ROBO2: variants seen among roughly 807,000 people sequenced by gnomAD.
ROBO2 encodes the protein roundabout guidance receptor 2.
A neutral mutation model predicts 160.8 loss-of-function variants in ROBO2; 53 were observed. The observed-to-expected ratio is 0.33, with a 90% CI of 0.26 to 0.41. The LOEUF is 0.41. Ranked by LOEUF, ROBO2 falls within the 10% of genes least tolerant of loss-of-function variation. The pLI is 1.00. For synonymous variants in ROBO2, 664 were observed against 611.7 expected, an observed-to-expected ratio of 1.09 and a Z score of -1.26; for missense variants, 1,577 against 1,722.4, an observed-to-expected ratio of 0.92 and a Z score of 1.49.
At chr3:76,852,007 A>C (rs2069452107) in intron 2 of ROBO2, among the ~76,000 whole-genome samples, 1 of 152,082 alleles carries the variant, frequency 6.6e-6, no homozygotes, top group African/African-American at 2.4e-5. Flanking sequence ...AAAAGCATAA[A>C]AAAGACAGTC....
At chr3:76,174,460 T>C (rs2073155485) in intron 2 of ROBO2, among the ~76,000 whole-genome samples, 1 of 152,186 alleles carries the variant, frequency 6.6e-6, no homozygotes, top group South Asian at 2.1e-4. Context: ...CTGAATGGTA[T>C]TGCCTAGGTA....
At chr3:77,040,868 CT>C (rs751481090) in intron 1 of ROBO2, 22 bp downstream of exon 1, 2 of 1,613,822 alleles carry the variant, frequency 1.2e-6, no homozygotes, top group Admixed American at 1.7e-5. Context: ...ATGCTTTCAT[CT>C]TTTTTTGCGC....
rs894940300 is a variant in ROBO2 at position 77,551,082 on chromosome 3, C to T, written c.1231+93C>T. The T allele has an allele frequency of 5.3e-6, 7 of 1,322,484 alleles. No homozygotes were observed. The African/African-American group carries it at 1.0e-4, about 19-fold the overall frequency. 81.9% of individuals were successfully genotyped at this position (1,322,484 alleles called of 1,614,324 possible). On this transcript the variant is annotated intron_variant, in intron 8 of 25. Coordinates refer to ENST00000461745, the Ensembl canonical transcript of ROBO2. ...TGTGGAGTTTGCTGATTTGTTAAAT[C>T]ATTTCTATGTATGCTTATCTTTTAA...
chr3:76,171,188 C>A (rs1182860186), intron 2 of ROBO2, among the ~76,000 whole-genome samples: 4 of 152,064 alleles, frequency 2.6e-5, no homozygotes, highest in Non-Finnish European at 5.9e-5. Context: ...TCATTATTTT[C>A]ACAATTTCTG....
intron 5 of ROBO2, among the ~76,000 whole-genome samples, chr3:77,509,247 G>A (rs957263293): frequency 2.6e-5 from 4 of 152,064 alleles, no homozygotes; most frequent in African/African-American, 9.7e-5. Context: ...AGGTAGGAAG[G>A]AGGGTAGAAA....
intron 2 of ROBO2, among the ~76,000 whole-genome samples, chr3:76,479,022 A>G (rs17014261): frequency 0.023 from 3,545 of 152,172 alleles, 142 homozygotes; most frequent in African/African-American, 0.081. Context: ...TAACTTCAAT[A>G]TCATGGTGTG....
chr3:77,266,654 A>G (rs751311897), intron 2 of ROBO2, among the ~76,000 whole-genome samples: 24 of 152,118 alleles, frequency 1.6e-4, no homozygotes, highest in Non-Finnish European at 3.1e-4. Context: ...TTCTGTATAA[A>G]TCCCTGATCT....
intron 21 of ROBO2, among the ~76,000 whole-genome samples, chr3:77,615,750 T>C (rs2094759863): frequency 6.6e-6 from 1 of 152,200 alleles, no homozygotes; most frequent in African/African-American, 2.4e-5. Flanking sequence ...GGAGACATGT[T>C]GGTTGCTTCC....
intron 2 of ROBO2, among the ~76,000 whole-genome samples, chr3:76,484,191 A>G (rs2079365663): frequency 6.6e-6 from 1 of 152,180 alleles, no homozygotes; most frequent in African/African-American, 2.4e-5. Flanking sequence ...CATTAAAATA[A>G]AAGTTTGCAA....
At chr3:77,634,019 C>T (rs2095219972) in intron 23 of ROBO2, 1 of 152,154 alleles carries the variant, frequency 6.6e-6, no homozygotes. Flanking sequence ...AAAACATACA[C>T]AGGAGAATAA....
At chr3:76,830,172 C>T (rs4856054) in intron 2 of ROBO2, among the ~76,000 whole-genome samples, 11 of 152,160 alleles carry the variant, frequency 7.2e-5, no homozygotes, top group African/African-American at 2.2e-4. Flanking sequence ...AACTGTCCCC[C>T]CCTCCATGCA....
chr3:77,598,519 ATATATGTG>A (rs2094360573), intron 19 of ROBO2, among the ~76,000 whole-genome samples: 1 of 92,946 alleles, frequency 1.1e-5, no homozygotes, highest in South Asian at 3.9e-4. Context: ...ACACATATAT[ATATATGTG>A]TATATATATA....
intron 2 of ROBO2, among the ~76,000 whole-genome samples, chr3:76,991,599 C>T (rs951146116): frequency 9.9e-5 from 15 of 152,048 alleles, no homozygotes; most frequent in Middle Eastern, 3.2e-3. Flanking sequence ...ACTTTCATTA[C>T]GTTTTGAAGA....
intron 2 of ROBO2, among the ~76,000 whole-genome samples, chr3:77,304,879 A>G (rs1452031595): frequency 2.0e-5 from 3 of 152,136 alleles, no homozygotes; most frequent in Non-Finnish European, 2.9e-5. Flanking sequence ...GGGAGAGCGT[A>G]CATACGTAAG....
chr3:76,664,426 A>G (rs909409556), intron 2 of ROBO2, among the ~76,000 whole-genome samples: 1 of 152,232 alleles, frequency 6.6e-6, no homozygotes, highest in African/African-American at 2.4e-5. Flanking sequence ...AATATCATTT[A>G]GAAGGAAGTA....
chr3:76,139,076 AG>A (rs2071537576), intron 2 of ROBO2, among the ~76,000 whole-genome samples: 1 of 152,172 alleles, frequency 6.6e-6, no homozygotes, highest in South Asian at 2.1e-4. Context: ...TGTTAAATGT[AG>A]CACAAAACAC....
intron 2 of ROBO2, among the ~76,000 whole-genome samples, chr3:77,210,594 T>A (rs188845811): frequency 1.3e-5 from 2 of 151,942 alleles, no homozygotes; most frequent in East Asian, 3.9e-4. Flanking sequence ...TCACAAATAA[T>A]TTTTTTATTA....
chr3:76,778,988 C>A (rs998916385), intron 2 of ROBO2, among the ~76,000 whole-genome samples: 2 of 151,066 alleles, frequency 1.3e-5, no homozygotes, highest in African/African-American at 4.8e-5. Flanking sequence ...AACTCCTTAT[C>A]TCCCAATGGT....
chr3:76,721,226 A>G (rs2093460630), intron 2 of ROBO2, among the ~76,000 whole-genome samples: 1 of 152,138 alleles, frequency 6.6e-6, no homozygotes, highest in Non-Finnish European at 1.5e-5. Flanking sequence ...AAATTTTTAC[A>G]AAGTTTCCTA....
Sources: allele counts gnomAD v4.1 joint callset (sites outside exome capture counted in the v4.1 genomes callset), GRCh38; gene constraint gnomAD v4.1.1; transcripts MANE v1.5; gene names NCBI Gene and HGNC (gene_info 2026-07-23, HGNC 2026-07-21).